SLC35E3: variants seen among roughly 807,000 people sequenced by gnomAD.
SLC35E3 encodes bladder cancer-overexpressed gene 1 protein.
A neutral mutation model predicts 30.8 loss-of-function variants in SLC35E3; 28 were observed. The ratio of observed to expected loss-of-function variants is 0.91; its 90% confidence interval spans 0.67 to 1.25. The LOEUF is 1.25. Ranked by LOEUF, SLC35E3 falls within the 50% of genes most tolerant of loss-of-function variation. The probability of loss-of-function intolerance (pLI) is 0.00; values close to 1 mark genes in which losing one functional copy is unlikely to be tolerated. For synonymous variants in SLC35E3, 146 were observed against 149.2 expected (o/e 0.98, Z 0.16); for missense variants, 365 against 375.4 (o/e 0.97, Z 0.23).
rs1879759548 is a variant in SLC35E3 at position 68,776,824 on chromosome 12, G to C, written c.*11934G>C. On this transcript the variant is annotated 3_prime_UTR_variant, in exon 5 of 5. Coordinates refer to ENST00000398004, the MANE Select transcript of SLC35E3 (RefSeq NM_018656.5). ...ATAAATGGCGTCCAAACCTGGAGCT[G>C]TTGCTGGCTTGGAATGAATGAACCA... is the stretch of plus-strand genomic sequence containing the variant. The C allele has an allele frequency of 6.6e-6, 1 of 152,172 alleles. No homozygotes were observed. The highest frequency in any genetic ancestry group is 1.5e-5 in the Non-Finnish European group (1 of 68,048). The allele number at this position is 152,172 out of a possible 1,614,324, so 9.4% of individuals were successfully genotyped here. A position where few individuals can be genotyped will look rare whatever the true frequency, so the allele number is the denominator to read the frequency against.
chr12:68,746,548 C>T lies in SLC35E3; in HGVS notation c.171C>T (p.Gly57=). 1 of 1,614,214 alleles carries T rather than the reference C, an allele frequency of 6.2e-7. No individual in the cohort carries two copies. Among genetic ancestry groups the T allele is most frequent in the Non-Finnish European group, 8.5e-7 (1 of 1,180,012 alleles). Residue 57 remains glycine, a synonymous_variant, in exon 1 of 5, where the codon GGC becomes GGT. Coordinates refer to ENST00000398004, the MANE Select transcript of SLC35E3 (RefSeq NM_018656.5). The stretch of plus-strand genomic sequence containing the variant: ...TGCACTTCGTGGTCACCTGGCTGGG[C>T]TTGTATATCTGCCAGAAGCTGGACA... ...TLVHFVVTWL[G]LYICQKLDIF... is the part of the protein sequence containing the mutation.
rs2136089201 is a variant in SLC35E3, at chr12:68,778,233, C to T, written c.*13343C>T. ...AAGATTTTTTTTTTTAAAGAACAAT[C>T]CACCACAAACATAGCAATCATGAAC... On this transcript the variant is annotated 3_prime_UTR_variant, in exon 5 of 5. Transcript: ENST00000398004. 6.6e-6 allele frequency: 1 copy of T among 151,912 alleles called. No homozygotes were observed. Among genetic ancestry groups the T allele is most frequent in the East Asian group, 1.9e-4 (1 of 5,180 alleles). 9.4% of individuals were successfully genotyped at this position (151,912 alleles called of 1,614,324 possible). A position where few individuals can be genotyped will look rare whatever the true frequency, so the allele number is the denominator to read the frequency against.
intron 3 of SLC35E3, among the ~76,000 whole-genome samples, chr12:68,753,832 A>ACACC (rs1878901137): frequency 6.6e-6 from 1 of 150,750 alleles, no homozygotes; most frequent in Non-Finnish European, 1.5e-5. Context: ...ACACACACAC[A>ACACC]CACCCCAATT....
In SLC35E3 at chr12:68,764,837, T is replaced by A. The variant is rs764337772; in HGVS notation, c.889T>A (p.Phe297Ile). ...TLFGILAYTH[F>I]KLSEQEGSRS... ...ATTTGGCATTCTCGCCTATACCCAC[T>A]TTAAGCTCAGTGAACAGGAAGGAAG... The change falls in exon 5 of 5, where the codon TTT (phenylalanine) becomes ATT (isoleucine). Residue 297 changes from phenylalanine to isoleucine, a missense_variant. Physicochemically the swap from Phe to Ile is conservative, Grantham distance 21. Coordinates refer to ENST00000398004, the MANE Select transcript of SLC35E3 (RefSeq NM_018656.5). The A allele has an allele frequency of 3.1e-6, 5 of 1,614,092 alleles. No individual in the cohort carries two copies. Among genetic ancestry groups the A allele is most frequent in the Non-Finnish European group, 4.2e-6 (5 of 1,180,022 alleles).
chr12:68,774,736 T>C lies in SLC35E3; in HGVS notation c.*9846T>C, dbSNP rs2136086741. The C allele has an allele frequency of 9.5e-6, 1 of 105,338 alleles. No homozygotes were observed. The highest frequency in any genetic ancestry group is 3.7e-5 in the African/African-American group (1 of 26,836). The allele number at this position is 105,338 out of a possible 1,614,324, so 6.5% of individuals were successfully genotyped here. On this transcript the variant is annotated 3_prime_UTR_variant, in exon 5 of 5. Transcript: ENST00000398004. The stretch of plus-strand genomic sequence containing the variant: ...CTGGGCAACAGAGGGAGACCCTGTC[T>C]CAAAAACAAACAAAACAAACAAAAA...
Position 68,779,712 on chromosome 12 carries a change from G to A in SLC35E3, c.*14822G>A, listed in dbSNP as rs1879833958. The A allele has an allele frequency of 6.6e-6, 1 of 152,250 alleles. No individual in the cohort carries two copies. Among genetic ancestry groups the A allele is most frequent in the African/African-American group, 2.4e-5 (1 of 41,442 alleles). The allele number at this position is 152,250 out of a possible 1,614,324, so 9.4% of individuals were successfully genotyped here. A position where few individuals can be genotyped will look rare whatever the true frequency, so the allele number is the denominator to read the frequency against. On this transcript the variant is annotated 3_prime_UTR_variant, in exon 5 of 5. Transcript: ENST00000398004. ...CCAGTGTTTTGGGAGGCCAAGGCAG[G>A]AGGTGCACTTGAGGCCAGGAGTTCA...
In SLC35E3 at chr12:68,758,890, C is replaced by T. The variant is rs368151346; in HGVS notation, c.673-267C>T. On this transcript the variant is annotated intron_variant, in intron 3 of 4. Coordinates refer to ENST00000398004, the MANE Select transcript of SLC35E3 (RefSeq NM_018656.5). ...CCAAGTAGCTGGGACTACAGGCGCC[C>T]GCCACTGCGCCCAGCAAATTTTTTA... 2.9e-3 allele frequency among the ~76,000 whole-genome samples: 445 copies of T among 151,762 alleles called. 2 individuals are homozygous for T. Among genetic ancestry groups the T allele is most frequent in the African/African-American group, 0.01 (415 of 41,462 alleles).
chr12:68,750,114 T>C (rs908288987), intron 2 of SLC35E3, among the ~76,000 whole-genome samples: 1 of 151,954 alleles, frequency 6.6e-6, no homozygotes, highest in African/African-American at 2.4e-5. Context: ...CAGGGGCGTT[T>C]TGGGGAACAT....
intron 2 of SLC35E3, among the ~76,000 whole-genome samples, chr12:68,750,890 C>T (rs959193082): frequency 6.6e-6 from 1 of 152,160 alleles, no homozygotes; most frequent in Non-Finnish European, 1.5e-5. Context: ...TAACAAGATA[C>T]CCAGACCTAC....
intron 2 of SLC35E3, among the ~76,000 whole-genome samples, chr12:68,748,694 T>C (rs1284923976): frequency 6.6e-6 from 1 of 152,208 alleles, no homozygotes; most frequent in Non-Finnish European, 1.5e-5. Context: ...TTGATTCTTA[T>C]TTAGTGGAGA....
Position 68,759,149 on chromosome 12 carries a change from A to T in SLC35E3, c.673-8A>T. 6.2e-7 allele frequency: 1 copy of T among 1,601,210 alleles called. No individual in the cohort carries two copies. Among genetic ancestry groups the T allele is most frequent in the Non-Finnish European group, 8.5e-7 (1 of 1,170,500 alleles). ...TTTGCATTAATGGTTCTTTTGGTTT[A>T]TTTGTAGCTTATGGTGCTGCTATCT... On this transcript the variant is annotated splice_region_variant and splice_polypyrimidine_tract_variant and intron_variant, in intron 3 of 4. Transcript: ENST00000398004.
At position 68,746,319 on chromosome 12, in the gene SLC35E3, A is replaced by T; in HGVS notation, c.-59A>T. ...GGACGCGGCGGTGGAGTAGAAGGGC[A>T]GCCGGAGACAGGCCCGGCGCCCCTT... On this transcript the variant is annotated 5_prime_UTR_variant, in exon 1 of 5. Coordinates refer to ENST00000398004, the MANE Select transcript of SLC35E3 (RefSeq NM_018656.5). The T allele has an allele frequency of 6.7e-7, 1 of 1,500,420 alleles. No homozygotes were observed. The highest frequency in any genetic ancestry group is 2.3e-5 in the East Asian group (1 of 44,002). 92.9% of individuals were successfully genotyped at this position (1,500,420 alleles called of 1,614,324 possible).
chr12:68,756,455 T>C (rs1177108045), intron 3 of SLC35E3, among the ~76,000 whole-genome samples: 3 of 130,912 alleles, frequency 2.3e-5, no homozygotes, highest in African/African-American at 8.6e-5. Flanking sequence ...TTTTTTTTTT[T>C]CCATATGAAG....
chr12:68,756,736 T>C (rs1683949503), intron 3 of SLC35E3, among the ~76,000 whole-genome samples: 2 of 152,190 alleles, frequency 1.3e-5, no homozygotes, highest in Non-Finnish European at 2.9e-5. Context: ...GCGCAGTGGC[T>C]CACCCCTGTA....
intron 3 of SLC35E3, among the ~76,000 whole-genome samples, chr12:68,756,044 C>T (rs1878988094): frequency 6.6e-6 from 1 of 152,130 alleles, no homozygotes; most frequent in African/African-American, 2.4e-5. Context: ...CTGTGTTCTC[C>T]AGTGCTCCGC....
chr12:68,751,852 T>C (rs371950797), intron 2 of SLC35E3, among the ~76,000 whole-genome samples, 180 bp from the exon 3 acceptor site: 19 of 152,354 alleles, frequency 1.2e-4, no homozygotes, highest in African/African-American at 3.6e-4. Flanking sequence ...TTTTCATCCA[T>C]GGTGCTTAAA....
chr12:68,765,133 G>A lies in SLC35E3; in HGVS notation c.*243G>A. 3.8e-6 allele frequency: 1 copy of A among 262,772 alleles called. No individual in the cohort carries two copies. The highest frequency in any genetic ancestry group is 7.3e-6 in the Non-Finnish European group (1 of 136,852). The allele number at this position is 262,772 out of a possible 1,614,324, so 16.3% of individuals were successfully genotyped here. Reference sequence around the variant, plus strand: ...TAGCCAGGCGTGGTGGCGCATGCCTGTAATCCCAGCTACTCGGGAGGCTGA... The same window carrying A: ...TAGCCAGGCGTGGTGGCGCATGCCTATAATCCCAGCTACTCGGGAGGCTGA... On this transcript the variant is annotated 3_prime_UTR_variant, in exon 5 of 5. Transcript: ENST00000398004.
intron 2 of SLC35E3, among the ~76,000 whole-genome samples, chr12:68,748,772 T>A (rs1181228692): frequency 6.6e-6 from 1 of 152,154 alleles, no homozygotes; most frequent in Non-Finnish European, 1.5e-5. Flanking sequence ...GGTCTGGAAA[T>A]TCTGGGTGTG....
At position 68,766,546 on chromosome 12, in the gene SLC35E3, G is replaced by A. The variant is rs1241577240; in HGVS notation, c.*1656G>A. 1 of 214,032 alleles carries A rather than the reference G, an allele frequency of 4.7e-6. No individual in the cohort carries two copies. The highest frequency in any genetic ancestry group is 2.4e-5 in the African/African-American group (1 of 42,186). The allele number at this position is 214,032 out of a possible 1,614,324, so 13.3% of individuals were successfully genotyped here. On this transcript the variant is annotated 3_prime_UTR_variant, in exon 5 of 5. Coordinates refer to ENST00000398004, the MANE Select transcript of SLC35E3 (RefSeq NM_018656.5). ...TGGCTCAAAGAAAAGACTATAAATG[G>A]AATTGAACATGTTTGTTAGCTGTTT...
Sources: allele counts gnomAD v4.1 joint callset (sites outside exome capture counted in the v4.1 genomes callset), GRCh38; gene constraint gnomAD v4.1.1; transcripts MANE v1.5; gene names NCBI Gene and HGNC (gene_info 2026-07-23, HGNC 2026-07-21).